Variants in MAGEL2 observed in about 807,000 individuals in gnomAD.
MAGEL2 encodes MAGE family member L2, also known as MAGE-like protein 2.
For missense variants in MAGEL2, 1,830 were observed against 1,699.2 expected, an observed-to-expected ratio of 1.08 and a Z score of -1.35; for synonymous variants, 792 against 721.7, an observed-to-expected ratio of 1.10 and a Z score of -1.56.
In MAGEL2 at chr15:23,644,482, A is replaced by G. The variant is rs150927765; in HGVS notation, c.3261T>C (p.Tyr1087=). The G allele has an allele frequency of 3.3e-5, 54 of 1,613,956 alleles. No individual in the cohort carries two copies. In the East Asian group the frequency reaches 1.1e-3, roughly 34 times the overall value. Residue 1087 remains tyrosine, a synonymous_variant, in exon 1 of 1, where the codon TAT becomes TAC. Transcript: ENST00000650528. ...GGTAGCCCAGCTTGTTGATGATAATATAGGCGTGGTTTTTGGTATCAATTT... is the reference window on the plus strand; with the variant it reads ...GGTAGCCCAGCTTGTTGATGATAATGTAGGCGTGGTTTTTGGTATCAATTT... The part of the protein sequence containing the change: ...LKEIDTKNHA[Y]IIINKLGYHT...
Position 23,647,108 on chromosome 15 carries a change from G to A in MAGEL2, c.635C>T (p.Pro212Leu). ...PPPPGTPMAHPPPPGTPMAHP... is the reference protein window; with the variant it reads ...PPPPGTPMAHLPPPGTPMAHP... ...AGCCATCGGTGTCCCCGGAGGTGGA[G>A]GATGAGCCATCGGTGTCCCCGGAGG... Residue 212 changes from proline to leucine, a missense_variant, in exon 1 of 1, where the codon CCT (proline) becomes CTT (leucine). Pro to Leu is a moderately conservative substitution (Grantham distance 98). Transcript: ENST00000650528. The A allele has an allele frequency of 6.5e-7, 1 of 1,531,710 alleles. No homozygotes were observed. The highest frequency in any genetic ancestry group is 1.4e-5 in the African/African-American group (1 of 72,990). 94.9% of individuals were successfully genotyped at this position (1,531,710 alleles called of 1,614,324 possible).
chr15:23,646,388 C>A lies in MAGEL2; in HGVS notation c.1355G>T (p.Arg452Leu). Residue 452 changes from arginine to leucine, a missense_variant, in exon 1 of 1, where the codon CGC becomes CTC. Physicochemically the swap from Arg to Leu is moderately radical, Grantham distance 102. Coordinates refer to ENST00000650528, the MANE Select transcript of MAGEL2 (RefSeq NM_019066.5). This position sits in a 1 kb window ranked among gnomAD's most constrained non-coding sequence, Gnocchi z 4.2. ...PVIRQAPPVIRQAPPVIRQAP... is the reference protein window; with the variant it reads ...PVIRQAPPVILQAPPVIRQAP... The stretch of plus-strand genomic sequence containing the variant: ...CTGGCGGATCACGGGTGGGGCCTGG[C>A]GGATCACGGGTGGGGCCTGGCGGAT... 7.2e-7 allele frequency: 1 copy of A among 1,389,924 alleles called. No homozygotes were observed. Among genetic ancestry groups the A allele is most frequent in the Non-Finnish European group, 9.2e-7 (1 of 1,083,088 alleles). The allele number at this position is 1,389,924 out of a possible 1,614,324, so 86.1% of individuals were successfully genotyped here.
chr15:23,646,103 G>A lies in MAGEL2; in HGVS notation c.1640C>T (p.Pro547Leu), dbSNP rs1267794670. The change falls in exon 1 of 1, where the codon CCT (proline) becomes CTT (leucine). Residue 547 changes from proline to leucine, a missense_variant. Physicochemically the swap from Pro to Leu is moderately conservative, Grantham distance 98. Transcript: ENST00000650528. This position sits in a 1 kb window ranked among gnomAD's most constrained non-coding sequence, Gnocchi z 4.2. ...CGGCGCCGCGGGTACCTGCGTAGCA[G>A]GTGGGGCCGTAGGCACCTGCGGCGC... ...QAAPQVPTAP[P>L]ATQVPAAPPA... 15 of 1,418,518 alleles carry A rather than the reference G, an allele frequency of 1.1e-5. No homozygotes were observed. Among genetic ancestry groups the A allele is most frequent in the Non-Finnish European group, 1.3e-5 (14 of 1,095,990 alleles). 87.9% of individuals were successfully genotyped at this position (1,418,518 alleles called of 1,614,324 possible).
In MAGEL2 at chr15:23,644,209, T is replaced by A. The variant is rs1479213479; in HGVS notation, c.3534A>T (p.Ala1178=). The A allele has an allele frequency of 6.2e-7, 1 of 1,613,942 alleles. No homozygotes were observed. The highest frequency in any genetic ancestry group is 1.7e-5 in the Admixed American group (1 of 60,020). The part of the protein sequence containing the change: ...EYRRIPYTEP[A]EYEFLWGPRA... ...GAGGGCCCCAGAGGAACTCATACTC[T>A]GCGGGCTCAGTGTAAGGGATTCGCC... The change falls in exon 1 of 1, where the codon GCA becomes GCT. Residue 1178 remains alanine (A), a synonymous_variant. Transcript: ENST00000650528.
At position 23,645,325 on chromosome 15, in the gene MAGEL2, G is replaced by A. The variant is rs376390731; in HGVS notation, c.2418C>T (p.Gly806=). The A allele has an allele frequency of 3.7e-4, 596 of 1,614,018 alleles. 11 individuals carry two copies. In the South Asian group the frequency reaches 6.2e-3, roughly 17 times the overall value. ...FQPASLNAFK[G]PSAASETPKS... ...TTGGGGTCTCTGAGGCAGCAGAGGG[G>A]CCTTTAAAGGCATTCAGAGAGGCAG... Residue 806 remains glycine, a synonymous_variant, in exon 1 of 1, where the codon GGC becomes GGT. Transcript: ENST00000650528.
rs1332339638 is a variant in MAGEL2 at position 23,644,010 on chromosome 15, T to A, written c.3733A>T (p.Arg1245Trp). The change falls in exon 1 of 1, where the codon AGG (arginine) becomes TGG (tryptophan). Residue 1245 changes from arginine to tryptophan, a missense_variant. By Grantham distance (101) the Arg-to-Trp change is moderately radical (BLOSUM62 -3). Transcript: ENST00000650528. ...TACACCTATTAGCGGGGAGGGGGCC[T>A]GCTGGTGGGGCCGTGGGCACTGTCA... ...TGDSAHGPTS[R>W]PPPR The A allele has an allele frequency of 6.3e-7, 1 of 1,599,430 alleles. No homozygotes were observed. The highest frequency in any genetic ancestry group is 1.3e-5 in the African/African-American group (1 of 74,554).
In MAGEL2 at chr15:23,647,620, T is replaced by C. The variant is rs1185739423; in HGVS notation, c.123A>G (p.Pro41=). The change falls in exon 1 of 1, where the codon CCA becomes CCG. Residue 41 remains proline (P), a synonymous_variant. Coordinates refer to ENST00000650528, the MANE Select transcript of MAGEL2 (RefSeq NM_019066.5). ...RAPPASSRAP[P]VPWDPPPIDL... ...CAATTGGAGGTGGATCCCAAGGGAC[T>C]GGCGGAGCCCGGGAGGAAGCGGGCG... is the stretch of plus-strand genomic sequence containing the variant. The C allele has an allele frequency of 2.0e-6, 3 of 1,536,796 alleles. No individual in the cohort carries two copies. The highest frequency in any genetic ancestry group is 2.6e-6 in the Non-Finnish European group (3 of 1,146,856).
rs755699846 is a variant in MAGEL2, at chr15:23,645,539, C to G, written c.2204G>C (p.Arg735Pro). The G allele has an allele frequency of 6.2e-6, 10 of 1,613,618 alleles. No individual in the cohort carries two copies. The highest frequency in any genetic ancestry group is 8.5e-6 in the Non-Finnish European group (10 of 1,179,724). Reference sequence around the variant, plus strand: ...CCTGCGCTCCTTCGAGGAGGTCCTGCGCTCTTTAGAGGAGCCCCTGCGGTC... The same window carrying G: ...CCTGCGCTCCTTCGAGGAGGTCCTGGGCTCTTTAGAGGAGCCCCTGCGGTC... Reference protein sequence around the residue: ...SIDRRGSSKERRTSSKERRAP... With the variant: ...SIDRRGSSKEPRTSSKERRAP... The change falls in exon 1 of 1, where the codon CGC becomes CCC. Residue 735 changes from arginine (R) to proline (P), a missense_variant. By Grantham distance (103) the Arg-to-Pro change is moderately radical. Coordinates refer to ENST00000650528, the MANE Select transcript of MAGEL2 (RefSeq NM_019066.5).
rs896510447 is a variant in MAGEL2, at chr15:23,646,112, G to A, written c.1631C>T (p.Thr544Met). ...PQVQAAPQVPTAPPATQVPAA... is the reference protein window; with the variant it reads ...PQVQAAPQVPMAPPATQVPAA... The stretch of plus-strand genomic sequence containing the variant: ...GGGTACCTGCGTAGCAGGTGGGGCC[G>A]TAGGCACCTGCGGCGCCGCCTGCAC... Residue 544 changes from threonine to methionine, a missense_variant, in exon 1 of 1, where the codon ACG (threonine) becomes ATG (methionine). Physicochemically the swap from Thr to Met is moderately conservative, Grantham distance 81 (BLOSUM62 -1). Coordinates refer to ENST00000650528, the MANE Select transcript of MAGEL2 (RefSeq NM_019066.5). This position sits in a 1 kb window ranked among gnomAD's most constrained non-coding sequence, Gnocchi z 4.2. The A allele has an allele frequency of 7.2e-6, 10 of 1,395,156 alleles. No homozygotes were observed. Among genetic ancestry groups the A allele is most frequent in the South Asian group, 1.6e-5 (1 of 63,636 alleles). 86.4% of individuals were successfully genotyped at this position (1,395,156 alleles called of 1,614,324 possible).
chr15:23,647,821 C>G lies in MAGEL2; in HGVS notation c.-79G>C, dbSNP rs1465652130. On this transcript the variant is annotated 5_prime_UTR_variant, in exon 1 of 1. Transcript: ENST00000650528. Reference sequence around the variant, plus strand: ...TCCTCCAGAGAGAAGAGAATGCCTACGTGGCTGTTCAGAGGCTCCCTCCCT... The same window carrying G: ...TCCTCCAGAGAGAAGAGAATGCCTAGGTGGCTGTTCAGAGGCTCCCTCCCT... 2.1e-5 allele frequency: 29 copies of G among 1,379,796 alleles called. No homozygotes were observed. The highest frequency in any genetic ancestry group is 2.9e-5 in the African/African-American group (2 of 68,542). 85.5% of individuals were successfully genotyped at this position (1,379,796 alleles called of 1,614,324 possible).
At position 23,645,222 on chromosome 15, in the gene MAGEL2, T is replaced by C; in HGVS notation, c.2521A>G (p.Asn841Asp). The stretch of plus-strand genomic sequence containing the variant: ...TGCGATGCCTTTGAGGCATTCATAT[T>C]GGGCTGTGGGACCCATGGAACTGCA... The part of the protein sequence containing the change: ...LPAVPWVPQP[N>D]MNASKASQAV... Residue 841 changes from asparagine to aspartate, a missense_variant, in exon 1 of 1, where the codon AAT becomes GAT. Coordinates refer to ENST00000650528, the MANE Select transcript of MAGEL2 (RefSeq NM_019066.5). The C allele has an allele frequency of 1.9e-6, 3 of 1,613,874 alleles. No homozygotes were observed. Among genetic ancestry groups the C allele is most frequent in the South Asian group, 2.2e-5 (2 of 91,084 alleles).
chr15:23,646,681 G>T lies in MAGEL2; in HGVS notation c.1062C>A (p.Gly354=). 42 of 1,517,482 alleles carry T rather than the reference G, an allele frequency of 2.8e-5. No individual in the cohort carries two copies. Among genetic ancestry groups the T allele is most frequent in the Non-Finnish European group, 3.4e-5 (39 of 1,136,698 alleles). 94.0% of individuals were successfully genotyped at this position (1,517,482 alleles called of 1,614,324 possible). A position where few individuals can be genotyped will look rare whatever the true frequency, so the allele number is the denominator to read the frequency against. The part of the protein sequence containing the change: ...VIRAPPQVPQ[G]PQAPPAQLAT... ...CTAGCTGCGCTGGGGGTGCCTGCGG[G>T]CCCTGGGGAACCTGCGGAGGAGCCC... The change falls in exon 1 of 1, where the codon GGC becomes GGA. Residue 354 remains glycine (G), a synonymous_variant. Transcript: ENST00000650528. This position sits in a 1 kb window ranked among gnomAD's most constrained non-coding sequence, Gnocchi z 4.2.
Position 23,646,366 on chromosome 15 carries a change from G to A in MAGEL2, c.1377C>T (p.Arg459=). ...CCTGGCGGATCACAGCGGGGGCCTG[G>A]CGGATCACGGGTGGGGCCTGGCGGA... ...PVIRQAPPVI[R]QAPAVIRQAP... is the part of the protein sequence containing the mutation. The change falls in exon 1 of 1, where the codon CGC becomes CGT. Residue 459 remains arginine (R), a synonymous_variant. Transcript: ENST00000650528. The surrounding 1 kb of genome is among the most constrained non-coding windows in gnomAD (Gnocchi z 4.2). 1 of 1,381,780 alleles carries A rather than the reference G, an allele frequency of 7.2e-7. No homozygotes were observed. The highest frequency in any genetic ancestry group is 3.6e-5 in the Admixed American group (1 of 28,006). 85.6% of individuals were successfully genotyped at this position (1,381,780 alleles called of 1,614,324 possible).
In MAGEL2 at chr15:23,645,747, G is replaced by T. The variant is rs752097874; in HGVS notation, c.1996C>A (p.Gln666Lys). The change falls in exon 1 of 1, where the codon CAG (glutamine) becomes AAG (lysine). Residue 666 changes from glutamine (Q) to lysine (K), a missense_variant. By Grantham distance (53) the Gln-to-Lys change is moderately conservative. Coordinates refer to ENST00000650528, the MANE Select transcript of MAGEL2 (RefSeq NM_019066.5). ...TGCGGACCCGATGCCTGGGCCTGCT[G>T]GGGGGGTAGCTGGATTTGCACGGCT... Reference protein sequence around the residue: ...QKAVQIQLPPQQAQASGPQAE... With the variant: ...QKAVQIQLPPKQAQASGPQAE... 5 of 1,571,876 alleles carry T rather than the reference G, an allele frequency of 3.2e-6. No homozygotes were observed. In the Admixed American group the frequency reaches 5.5e-5, roughly 17 times the overall value.
At position 23,645,381 on chromosome 15, in the gene MAGEL2, T is replaced by C. The variant is rs113329438; in HGVS notation, c.2362A>G (p.Ser788Gly). ...AACTGGGAGGTAGCTGGGAAGACACTTGAGGAGGGAGCAAAGGTCTCCGGT... is the reference window on the plus strand; with the variant it reads ...AACTGGGAGGTAGCTGGGAAGACACCTGAGGAGGGAGCAAAGGTCTCCGGT... ...ATPETFAPSS[S>G]VFPATSQFQP... The change falls in exon 1 of 1, where the codon AGT becomes GGT. Residue 788 changes from serine (S) to glycine (G), a missense_variant. Ser to Gly is a moderately conservative substitution (Grantham distance 56, BLOSUM62 0). Coordinates refer to ENST00000650528, the MANE Select transcript of MAGEL2 (RefSeq NM_019066.5). 1.2e-6 allele frequency: 2 copies of C among 1,613,754 alleles called. No individual in the cohort carries two copies. Among genetic ancestry groups the C allele is most frequent in the Admixed American group, 1.7e-5 (1 of 59,998 alleles).
chr15:23,643,906 C>A lies in MAGEL2; in HGVS notation c.*87G>T. On this transcript the variant is annotated 3_prime_UTR_variant, in exon 1 of 1. Transcript: ENST00000650528. ...CAAACGTACACTCGTGGAACTGGAA[C>A]ACAAACACCAGGAACAAAAATGTCC... 1.4e-6 allele frequency: 2 copies of A among 1,397,388 alleles called. No individual in the cohort carries two copies. Among genetic ancestry groups the A allele is most frequent in the African/African-American group, 2.9e-5 (2 of 69,548 alleles). The allele number at this position is 1,397,388 out of a possible 1,614,324, so 86.6% of individuals were successfully genotyped here. A position where few individuals can be genotyped will look rare whatever the true frequency, so the allele number is the denominator to read the frequency against.
Position 23,645,289 on chromosome 15 carries a change from T to C in MAGEL2, c.2454A>G (p.Pro818=), listed in dbSNP as rs753762464. ...AGGCAAAGGGATCCTGCAGAGCATA[T>C]GGCAGTGACTTTGGGGTCTCTGAGG... ...SAASETPKSL[P]YALQDPFACV... Residue 818 remains proline (P), a synonymous_variant, in exon 1 of 1, where the codon CCA becomes CCG. Coordinates refer to ENST00000650528, the MANE Select transcript of MAGEL2 (RefSeq NM_019066.5). 1.9e-6 allele frequency: 3 copies of C among 1,613,834 alleles called. No individual in the cohort carries two copies. The South Asian group carries it at 3.3e-5, about 18-fold the overall frequency.
chr15:23,644,051 T>C lies in MAGEL2; in HGVS notation c.3692A>G (p.Asp1231Gly). ...AECEWEDTDE[D>G]EPDTGDSAHG... ...GGCACTGTCACCGGTGTCAGGTTCA[T>C]CCTCATCTGTGTCTTCCCACTCACA... The change falls in exon 1 of 1, where the codon GAT (aspartate) becomes GGT (glycine). Residue 1231 changes from aspartate to glycine, a missense_variant. Coordinates refer to ENST00000650528, the MANE Select transcript of MAGEL2 (RefSeq NM_019066.5). The C allele has an allele frequency of 1.2e-6, 2 of 1,613,362 alleles. No individual in the cohort carries two copies. Among genetic ancestry groups the C allele is most frequent in the Non-Finnish European group, 8.5e-7 (1 of 1,179,560 alleles).
Position 23,646,526 on chromosome 15 carries a change from G to C in MAGEL2, c.1217C>G (p.Pro406Arg). 6.8e-7 allele frequency: 1 copy of C among 1,469,622 alleles called. No homozygotes were observed. The allele number at this position is 1,469,622 out of a possible 1,614,324, so 91.0% of individuals were successfully genotyped here. Reference sequence around the variant, plus strand: ...CGGGGGCCCCTGGCGCATGGGCGGCGGCACCTGCCAGGTAACGGCTGGTGC... The same window carrying C: ...CGGGGGCCCCTGGCGCATGGGCGGCCGCACCTGCCAGGTAACGGCTGGTGC... ...WQAPAVTWQV[P>R]PPMRQGPPPI... is the part of the protein sequence containing the mutation. Residue 406 changes from proline (P) to arginine (R), a missense_variant, in exon 1 of 1, where the codon CCG becomes CGG. Physicochemically the swap from Pro to Arg is moderately radical, Grantham distance 103 (BLOSUM62 -2). Coordinates refer to ENST00000650528, the MANE Select transcript of MAGEL2 (RefSeq NM_019066.5). This position sits in a 1 kb window ranked among gnomAD's most constrained non-coding sequence, Gnocchi z 4.2.
Sources: gnomAD v4.1 joint callset for allele counts on GRCh38, gnomAD v4.1.1 for gene constraint, Gnocchi (gnomAD v3.1) non-coding constraint, MANE v1.5 for transcripts, NCBI Gene and HGNC (gene_info 2026-07-23, HGNC 2026-07-21) for gene names.